PTPN12: variants seen among roughly 807,000 people sequenced by gnomAD.
The protein encoded by PTPN12 is protein tyrosine phosphatase non-receptor type 12, also known as tyrosine-protein phosphatase non-receptor type 12.
In PTPN12, 29 loss-of-function variants were observed where a neutral mutation model predicts 97.6. The ratio of observed to expected loss-of-function variants is 0.30; its 90% confidence interval spans 0.22 to 0.41. The LOEUF (loss-of-function observed/expected upper bound fraction) is 0.41. Ranked by LOEUF, PTPN12 falls within the 10% of genes least tolerant of loss-of-function variation. The pLI, the probability that PTPN12 is intolerant of heterozygous loss-of-function variation, is 1.00. For missense variants in PTPN12, 819 were observed against 926.0 expected, an observed-to-expected ratio of 0.88 and a Z score of 1.50; for synonymous variants, 327 against 300.4, an observed-to-expected ratio of 1.09 and a Z score of -0.91.
At chr7:77,628,627 C>A (rs776721113) in intron 13 of PTPN12, among the ~76,000 whole-genome samples, 8 of 150,452 alleles carry the variant, frequency 5.3e-5, no homozygotes, top group Non-Finnish European at 7.4e-5. Flanking sequence ...GTCACCCAGG[C>A]TAGAGTGCAG....
At chr7:77,594,430 A>G (rs1787962423) in intron 6 of PTPN12, among the ~76,000 whole-genome samples, 1 of 152,224 alleles carries the variant, frequency 6.6e-6, no homozygotes, top group African/African-American at 2.4e-5. Context: ...AATCTGTAAT[A>G]TTAGATTCCT....
Position 77,626,939 on chromosome 7 carries a change from A to T in PTPN12, c.1260A>T (p.Glu420Asp), listed in dbSNP as rs1244964377. ...SKSTELPGKN[E>D]STIEQIDKKL... ...CAACAGAACTTCCAGGGAAAAATGA[A>T]TCAACAATTGAACAGATAGATAAAA... is the stretch of plus-strand genomic sequence containing the variant. The change falls in exon 13 of 18, where the codon GAA (glutamate) becomes GAT (aspartate). Residue 420 changes from glutamate to aspartate, a missense_variant. By Grantham distance (45) the Glu-to-Asp change is conservative. This residue lies in a region of PTPN12 where 607 missense variants were observed against 577.3 expected (regional missense o/e 1.05). Coordinates refer to ENST00000248594, the MANE Select transcript of PTPN12 (RefSeq NM_002835.4). 1.9e-6 allele frequency: 3 copies of T among 1,612,504 alleles called. No homozygotes were observed. The Admixed American group carries it at 5.0e-5, about 27-fold the overall frequency.
rs1470837164 is a variant in PTPN12 at position 77,538,794 on chromosome 7, TG to T, written c.99+1150del. On this transcript the variant is annotated intron_variant, in intron 1 of 17. Coordinates refer to ENST00000248594, the MANE Select transcript of PTPN12 (RefSeq NM_002835.4). ...GTTTCCCGGCTTAGGAGGCGGTGGT[TG>T]CGGCTGCTGCTCCTACGGATATTGC... is the stretch of plus-strand genomic sequence containing the variant. 4.6e-5 allele frequency: 7 copies of T among 152,022 alleles called. No homozygotes were observed. The East Asian group carries it at 1.4e-3, about 29-fold the overall frequency. 9.4% of individuals were successfully genotyped at this position (152,022 alleles called of 1,614,324 possible).
At position 77,581,049 on chromosome 7, in the gene PTPN12, TTTTGTTTTGTTTTG is replaced by T. The variant is rs1321018559; in HGVS notation, c.209-374_209-361del. ...CTGGTGGTGGTGTTTTTTTGTTTTG[TTTTGTTTTGTTTTG>T]TTTTTTTGCTGTTGTTGTTTTGTTT... is the stretch of plus-strand genomic sequence containing the variant. On this transcript the variant is annotated intron_variant, in intron 2 of 17. Transcript: ENST00000248594. Among the ~76,000 whole-genome samples, 4 of 93,342 alleles carry T rather than the reference TTTTGTTTTGTTTTG, an allele frequency of 4.3e-5. No homozygotes were observed. The Admixed American group carries it at 4.6e-4, about 11-fold the overall frequency. The allele number at this position is 93,342 out of a possible 152,430, so 61.2% of individuals were successfully genotyped here. A position where few individuals can be genotyped will look rare whatever the true frequency, so the allele number is the denominator to read the frequency against.
At chr7:77,610,906 G>A in intron 10 of PTPN12, 42 bp from the exon 11 acceptor site, 3 of 1,584,044 alleles carry the variant, frequency 1.9e-6, no homozygotes, top group Non-Finnish European at 2.6e-6. Context: ...TTTTTAAAAT[G>A]TTGTTTTCAT....
At chr7:77,550,474 A>G (rs1807431686) in intron 1 of PTPN12, among the ~76,000 whole-genome samples, 1 of 152,340 alleles carries the variant, frequency 6.6e-6, no homozygotes, top group African/African-American at 2.4e-5. Flanking sequence ...TACACCAACC[A>G]TTTTGTTTAT....
intron 1 of PTPN12, among the ~76,000 whole-genome samples, chr7:77,540,680 CA>C (rs1806927303): frequency 6.7e-6 from 1 of 149,078 alleles, no homozygotes. Flanking sequence ...ACTTGATAAG[CA>C]ATAGCTGTAA....
intron 11 of PTPN12, among the ~76,000 whole-genome samples, chr7:77,617,360 A>G (rs113285630): frequency 7.6e-4 from 116 of 152,328 alleles, no homozygotes; most frequent in African/African-American, 2.6e-3. Context: ...GTTTTATGAC[A>G]TAACTCTGTT....
chr7:77,607,339 C>A, intron 9 of PTPN12, 38 bp downstream of exon 9: 2 of 1,385,468 alleles, frequency 1.4e-6, no homozygotes, highest in Non-Finnish European at 2.0e-6. Context: ...TTCAATTGAT[C>A]TATTATGATT....
intron 1 of PTPN12, among the ~76,000 whole-genome samples, chr7:77,559,042 T>C (rs1807869007): frequency 6.6e-6 from 1 of 152,192 alleles, no homozygotes; most frequent in Non-Finnish European, 1.5e-5. Context: ...AATAATATGG[T>C]TTATGTTGAA....
intron 9 of PTPN12, among the ~76,000 whole-genome samples, chr7:77,608,466 A>C (rs530057866): frequency 6.6e-6 from 1 of 152,216 alleles, no homozygotes; most frequent in African/African-American, 2.4e-5. Context: ...CCTTCATTAT[A>C]GATTTGAAAA....
chr7:77,555,715 C>A (rs1467192050), intron 1 of PTPN12, among the ~76,000 whole-genome samples: 1 of 152,080 alleles, frequency 6.6e-6, no homozygotes, highest in Non-Finnish European at 1.5e-5. Context: ...GAGATCGAGA[C>A]CATCCTGGCT....
At chr7:77,557,249 G>T (rs1376350866) in intron 1 of PTPN12, among the ~76,000 whole-genome samples, 1 of 152,178 alleles carries the variant, frequency 6.6e-6, no homozygotes, top group Non-Finnish European at 1.5e-5. Context: ...TTACAAGTAT[G>T]AGCCACTGCA....
In PTPN12 at chr7:77,537,525, G is replaced by C. The variant is rs1806711306; in HGVS notation, c.-22G>C. On this transcript the variant is annotated 5_prime_UTR_variant, in exon 1 of 18. Coordinates refer to ENST00000248594, the MANE Select transcript of PTPN12 (RefSeq NM_002835.4). ...GCGGGCGGCGGGGGGGCCAGCGACCGCAGCCGGGGGGACGCGGGAGGATGG... is the reference window on the plus strand; with the variant it reads ...GCGGGCGGCGGGGGGGCCAGCGACCCCAGCCGGGGGGACGCGGGAGGATGG... The C allele has an allele frequency of 6.4e-7, 1 of 1,573,502 alleles. No individual in the cohort carries two copies. The highest frequency in any genetic ancestry group is 8.6e-7 in the Non-Finnish European group (1 of 1,162,040).
At chr7:77,634,769 A>G (rs1007043947) in intron 14 of PTPN12, among the ~76,000 whole-genome samples, 2 of 150,272 alleles carry the variant, frequency 1.3e-5, no homozygotes, top group African/African-American at 4.9e-5. Flanking sequence ...TAGTAGAGAC[A>G]GGGTTTCACC....
rs114860701 is a variant in PTPN12, at chr7:77,566,585, G to A, written c.100-4493G>A. On this transcript the variant is annotated intron_variant, in intron 1 of 17. Coordinates refer to ENST00000248594, the MANE Select transcript of PTPN12 (RefSeq NM_002835.4). Reference sequence around the variant, plus strand: ...AAAAATACAATTAGCCAGGCGTGGCGGTGCGTGCCTATAGTCCCAGCTACT... The same window carrying A: ...AAAAATACAATTAGCCAGGCGTGGCAGTGCGTGCCTATAGTCCCAGCTACT... 6.8e-3 allele frequency among the ~76,000 whole-genome samples: 1,034 copies of A among 152,174 alleles called. 12 individuals are homozygous for A. Among genetic ancestry groups the A allele is most frequent in the African/African-American group, 0.023 (970 of 41,504 alleles).
At chr7:77,605,670 C>G (rs1788347939) in intron 8 of PTPN12, among the ~76,000 whole-genome samples, 1 of 151,794 alleles carries the variant, frequency 6.6e-6, no homozygotes, top group Non-Finnish European at 1.5e-5. Flanking sequence ...ATCCGCCCTC[C>G]TTGGCCTCCC....
intron 1 of PTPN12, among the ~76,000 whole-genome samples, chr7:77,570,065 A>G (rs1006943694): frequency 2.0e-5 from 3 of 152,216 alleles, no homozygotes; most frequent in Non-Finnish European, 2.9e-5. Context: ...AAATAGCATC[A>G]TAAATGTGGG....
chr7:77,576,573 T>C (rs183710950), intron 2 of PTPN12, among the ~76,000 whole-genome samples: 33 of 152,226 alleles, frequency 2.2e-4, no homozygotes, highest in African/African-American at 7.5e-4. Context: ...GGCACGTGCC[T>C]GTAGTCCCAG....
Sources: allele counts gnomAD v4.1 joint callset (sites outside exome capture counted in the v4.1 genomes callset), GRCh38; gene constraint gnomAD v4.1.1; regional missense constraint gnomAD v4.1.1; transcripts MANE v1.5; gene names NCBI Gene and HGNC (gene_info 2026-07-23, HGNC 2026-07-21).